The following ST8SIA6 variants were observed in gnomAD, a reference collection of about 807,000 sequenced individuals.
The protein encoded by ST8SIA6 is alpha-2,8-sialyltransferase 8F.
ST8SIA6 carries 39 observed loss-of-function variants against 33.6 expected under a neutral mutation model. The observed-to-expected ratio is 1.16, with a 90% CI of 0.90 to 1.52. ST8SIA6 has a LOEUF of 1.52. Ranked by LOEUF, ST8SIA6 falls within the 40% of genes most tolerant of loss-of-function variation. ST8SIA6 has a pLI of 0.00. For missense variants in ST8SIA6, 441 were observed against 443.8 expected (o/e 0.99, Z 0.06); for synonymous variants, 172 against 167.2 (o/e 1.03, Z -0.22).
At chr10:17,355,670 C>T (rs531643716) in intron 4 of ST8SIA6, among the ~76,000 whole-genome samples, 6 of 152,246 alleles carry the variant, frequency 3.9e-5, no homozygotes, top group South Asian at 2.1e-4. Flanking sequence ...TTATGCTGTC[C>T]GAATACTTTC....
intron 2 of ST8SIA6, among the ~76,000 whole-genome samples, chr10:17,417,520 C>T (rs1289698745): frequency 6.6e-6 from 1 of 151,888 alleles, no homozygotes; most frequent in African/African-American, 2.4e-5. Context: ...CCCCCGCCAT[C>T]AGCATTTATT....
chr10:17,360,952 AAGG>A (rs1233266628), intron 3 of ST8SIA6, among the ~76,000 whole-genome samples: 19 of 151,140 alleles, frequency 1.3e-4, no homozygotes, highest in South Asian at 6.3e-4. Context: ...GAAGAAGAAG[AAGG>A]AGGAGGAGGA....
chr10:17,403,982 T>A (rs1484014756), intron 2 of ST8SIA6, among the ~76,000 whole-genome samples: 1 of 151,050 alleles, frequency 6.6e-6, no homozygotes, highest in Non-Finnish European at 1.5e-5. Flanking sequence ...GGAGAATCGC[T>A]TGAACCCGGG....
chr10:17,350,749 G>A (rs1399658562), intron 4 of ST8SIA6, among the ~76,000 whole-genome samples: 1 of 152,010 alleles, frequency 6.6e-6, no homozygotes, highest in East Asian at 1.9e-4. Context: ...AACCTACAGG[G>A]GAGCTGTCTG....
intron 3 of ST8SIA6, among the ~76,000 whole-genome samples, chr10:17,366,258 A>G (rs1849555779): frequency 6.6e-6 from 1 of 152,192 alleles, no homozygotes; most frequent in African/African-American, 2.4e-5. Flanking sequence ...GTCAACCAGC[A>G]TGGGAAAAAG....
At chr10:17,373,283 A>G (rs1225777611) in intron 3 of ST8SIA6, among the ~76,000 whole-genome samples, 1 of 152,190 alleles carries the variant, frequency 6.6e-6, no homozygotes, top group African/African-American at 2.4e-5. Flanking sequence ...CTTTTGACAT[A>G]AAGGAGCCAA....
At position 17,315,431 on chromosome 10, in the gene ST8SIA6, T is replaced by C. The variant is rs1847738570; in HGVS notation, c.*5447A>G. Among the ~76,000 whole-genome samples, 2 of 152,056 alleles carry C rather than the reference T, an allele frequency of 1.3e-5. No homozygotes were observed. Among genetic ancestry groups the C allele is most frequent in the Admixed American group, 6.6e-5 (1 of 15,250 alleles). ...AAGAAGACTTGCACATTAATGTTCA[T>C]GATACCTTTATTTGTAATAGCCAAA... On this transcript the variant is annotated 3_prime_UTR_variant, in exon 8 of 8. Transcript: ENST00000377602.
chr10:17,337,469 C>G (rs1220446794), intron 4 of ST8SIA6, among the ~76,000 whole-genome samples: 5 of 152,118 alleles, frequency 3.3e-5, no homozygotes, highest in African/African-American at 1.2e-4. Context: ...ACATTCAACC[C>G]CAAAGCACTC....
At chr10:17,343,033 C>T (rs1213088660) in intron 4 of ST8SIA6, among the ~76,000 whole-genome samples, 1 of 152,214 alleles carries the variant, frequency 6.6e-6, no homozygotes, top group Non-Finnish European at 1.5e-5. Context: ...CCCTAAACCT[C>T]AGTACTCCCA....
In ST8SIA6 at chr10:17,315,907, AT is replaced by A. The variant is rs1490096624; in HGVS notation, c.*4970del. 6.6e-6 allele frequency among the ~76,000 whole-genome samples: 1 copy of A among 151,890 alleles called. No homozygotes were observed. The highest frequency in any genetic ancestry group is 1.5e-5 in the Non-Finnish European group (1 of 67,872). On this transcript the variant is annotated 3_prime_UTR_variant, in exon 8 of 8. Coordinates refer to ENST00000377602, the MANE Select transcript of ST8SIA6 (RefSeq NM_001004470.3). ...ATGTCAATGACATGGGATAATACTG[AT>A]TTTTCTTTTCATTTTATAATTGCAT...
intron 4 of ST8SIA6, among the ~76,000 whole-genome samples, chr10:17,334,533 C>T (rs149799744): frequency 0.015 from 1,984 of 132,704 alleles, 44 homozygotes; most frequent in African/African-American, 0.052. Flanking sequence ...AGCGAGACTC[C>T]GTTTCAAAAA....
chr10:17,451,821 TAAATC>T (rs1426359451), intron 2 of ST8SIA6, among the ~76,000 whole-genome samples: 2 of 152,102 alleles, frequency 1.3e-5, no homozygotes, highest in African/African-American at 2.4e-5. Flanking sequence ...GGACATAAAA[TAAATC>T]AAAACATAAA....
chr10:17,336,590 T>G (rs1848506111), intron 4 of ST8SIA6, among the ~76,000 whole-genome samples: 1 of 139,898 alleles, frequency 7.1e-6, no homozygotes, highest in African/African-American at 2.8e-5. Flanking sequence ...ATATCACATG[T>G]GTGCTTTTTT....
chr10:17,381,903 C>T (rs1850164367), intron 3 of ST8SIA6, among the ~76,000 whole-genome samples: 1 of 152,176 alleles, frequency 6.6e-6, no homozygotes, highest in South Asian at 2.1e-4. Flanking sequence ...GAACTGTTAT[C>T]GTCTTTGTTT....
chr10:17,403,819 T>C (rs557901248), intron 2 of ST8SIA6, among the ~76,000 whole-genome samples: 1 of 152,164 alleles, frequency 6.6e-6, no homozygotes, highest in East Asian at 1.9e-4. Context: ...CCCCAGCACT[T>C]TGGGAGGCCA....
intron 3 of ST8SIA6, among the ~76,000 whole-genome samples, chr10:17,376,623 T>C (rs981561273): frequency 3.9e-5 from 6 of 152,176 alleles, no homozygotes; most frequent in African/African-American, 7.2e-5. Context: ...AGGAATAAGA[T>C]GGACAGCTTG....
intron 4 of ST8SIA6, among the ~76,000 whole-genome samples, chr10:17,356,338 G>T (rs1849188622): frequency 6.6e-6 from 1 of 151,484 alleles, no homozygotes; most frequent in Non-Finnish European, 1.5e-5. Context: ...AAATGTCTGT[G>T]TGCCTGTTCT....
At chr10:17,406,880 C>A (rs186688684) in intron 2 of ST8SIA6, among the ~76,000 whole-genome samples, 1 of 151,428 alleles carries the variant, frequency 6.6e-6, no homozygotes, top group Non-Finnish European at 1.5e-5. Flanking sequence ...CCAAAACCTC[C>A]GCCTCCCGTG....
rs534814193 is a variant in ST8SIA6 at position 17,387,586 on chromosome 10, T to C, written c.290+2945A>G. On this transcript the variant is annotated intron_variant, in intron 3 of 7. Transcript: ENST00000377602. ...CGGGCCCAGAAAACTAGGATTTTCA[T>C]AGGGCTATCCTTCTGTGAGAAACGG... is the stretch of plus-strand genomic sequence containing the variant. Among the ~76,000 whole-genome samples the C allele has an allele frequency of 3.9e-5, 6 of 152,170 alleles. No homozygotes were observed. The South Asian group carries it at 6.2e-4, about 16-fold the overall frequency.
Sources: allele counts gnomAD v4.1 joint callset (sites outside exome capture counted in the v4.1 genomes callset), GRCh38; gene constraint gnomAD v4.1.1; transcripts MANE v1.5; gene names NCBI Gene and HGNC (gene_info 2026-07-23, HGNC 2026-07-21).